The following RGS12 variants were observed in gnomAD, a reference collection of about 807,000 sequenced individuals.
The protein encoded by RGS12 is regulator of G-protein signaling 12.
Under a neutral mutation model 120.1 loss-of-function variants are expected in RGS12, and 66 were observed. The ratio of observed to expected loss-of-function variants is 0.55; its 90% CI spans 0.45 to 0.67. The LOEUF is 0.67. Ranked by LOEUF, RGS12 falls within the 30% of genes least tolerant of loss-of-function variation. The pLI is 0.00. For missense variants in RGS12, 1,859 were observed against 1,957.7 expected (o/e 0.95, Z 0.95); for synonymous variants, 827 against 804.7 (o/e 1.03, Z -0.47).
At chr4:3,298,440 T>C (rs1442241321) in intron 1 of RGS12, among the ~76,000 whole-genome samples, 1 of 152,156 alleles carries the variant, frequency 6.6e-6, no homozygotes, top group Non-Finnish European at 1.5e-5. Flanking sequence ...AGCCCCAAAC[T>C]CCTGGGCTCA....
At chr4:3,370,035 T>A in intron 3 of RGS12, 1 of 1,261,942 alleles carries the variant, frequency 7.9e-7, no homozygotes, top group Non-Finnish European at 1.0e-6. Flanking sequence ...TTAAAAATGA[T>A]CTCACAGCGT....
chr4:3,332,629 G>A (rs566388991), intron 2 of RGS12, among the ~76,000 whole-genome samples: 3 of 152,234 alleles, frequency 2.0e-5, no homozygotes, highest in Admixed American at 6.5e-5. Context: ...CTGTTGAGGC[G>A]CCTACTCAAA....
intron 3 of RGS12, among the ~76,000 whole-genome samples, chr4:3,381,454 C>G (rs71608279): frequency 2.6e-5 from 4 of 152,176 alleles, no homozygotes; most frequent in African/African-American, 4.8e-5. Context: ...ATACCTGGGA[C>G]TGGGTAATTT....
chr4:3,422,346 C>G, intron 10 of RGS12, 30 bp from the exon 11 acceptor site: 1 of 1,590,350 alleles, frequency 6.3e-7, no homozygotes, highest in African/African-American at 1.3e-5. Flanking sequence ...CGCTGGTTCC[C>G]TCACGGCTGC....
At chr4:3,331,949 G>A (rs529950791) in intron 2 of RGS12, among the ~76,000 whole-genome samples, 120 of 152,114 alleles carry the variant, frequency 7.9e-4, no homozygotes, top group Non-Finnish European at 1.5e-3. Flanking sequence ...TCCTGACCAC[G>A]GCCACCGAGT....
chr4:3,336,831 A>C (rs981503453), intron 2 of RGS12, among the ~76,000 whole-genome samples: 1 of 152,234 alleles, frequency 6.6e-6, no homozygotes, highest in African/African-American at 2.4e-5. Flanking sequence ...ATATGCAGTT[A>C]ATATGCAGAG....
At position 3,389,616 on chromosome 4, in the gene RGS12, C is replaced by T. The variant is rs1719251795; in HGVS notation, c.2020+3179C>T. On this transcript the variant is annotated intron_variant, in intron 4 of 17. Coordinates refer to ENST00000336727, the MANE Select transcript of RGS12 (RefSeq NM_001394154.1). The surrounding 1 kb of genome is among the most constrained non-coding windows in gnomAD (Gnocchi z 5.2). Reference sequence around the variant, plus strand: ...CTGTGCCAAGAGGCCTGCCAGAATCCCCTCACCCACTGCAGCCTCCACAGG... The same window carrying T: ...CTGTGCCAAGAGGCCTGCCAGAATCTCCTCACCCACTGCAGCCTCCACAGG... 6.6e-6 allele frequency among the ~76,000 whole-genome samples: 1 copy of T among 152,172 alleles called. No homozygotes were observed. The highest frequency in any genetic ancestry group is 2.4e-5 in the African/African-American group (1 of 41,448).
chr4:3,426,931 C>T (rs1469647140), intron 14 of RGS12, among the ~76,000 whole-genome samples: 3 of 152,156 alleles, frequency 2.0e-5, no homozygotes, highest in East Asian at 3.9e-4. Context: ...TTGGGCTGCC[C>T]CTCTGCCTTT....
intron 4 of RGS12, among the ~76,000 whole-genome samples, chr4:3,409,305 C>T (rs1471938262): frequency 1.3e-5 from 2 of 152,160 alleles, no homozygotes; most frequent in Admixed American, 6.5e-5. Flanking sequence ...ACAGGGGAGC[C>T]GAGCACACCA....
chr4:3,288,353 G>T (rs1273855825), upstream of RGS12, among the ~76,000 whole-genome samples: 10 of 152,122 alleles, frequency 6.6e-5, no homozygotes, highest in African/African-American at 2.4e-4. The surrounding 1 kb of genome is among the most constrained non-coding windows in gnomAD (Gnocchi z 5.2). Flanking sequence ...GGCAGGAAGG[G>T]TGTGAGCCGC....
At chr4:3,312,229 T>C (rs1724445782) in intron 1 of RGS12, among the ~76,000 whole-genome samples, 1 of 152,210 alleles carries the variant, frequency 6.6e-6, no homozygotes, top group Non-Finnish European at 1.5e-5. Flanking sequence ...TTACTATTAA[T>C]TGATACAGTT....
intron 3 of RGS12, among the ~76,000 whole-genome samples, chr4:3,360,642 A>C (rs1715464393): frequency 6.6e-6 from 1 of 152,164 alleles, no homozygotes; most frequent in Non-Finnish European, 1.5e-5. Flanking sequence ...ATATATCTTC[A>C]TGATATTGAG....
chr4:3,293,303 CGCGGGGCGGG>C (rs532215407), intron 1 of RGS12, among the ~76,000 whole-genome samples: 228 of 143,898 alleles, frequency 1.6e-3, no homozygotes, highest in African/African-American at 3.8e-3. Context: ...CCGGGCCCGG[CGCGGGGCGGG>C]GCGGGGCGGG....
upstream of RGS12, among the ~76,000 whole-genome samples, chr4:3,291,175 TCTCA>T (rs1414092754): frequency 6.6e-6 from 1 of 152,136 alleles, no homozygotes; most frequent in Non-Finnish European, 1.5e-5. Context: ...TTTCCCCATC[TCTCA>T]CTCAGGGCCA....
At chr4:3,430,032 A>G (rs1035090726) in intron 16 of RGS12, among the ~76,000 whole-genome samples, 21 of 152,346 alleles carry the variant, frequency 1.4e-4, no homozygotes, top group African/African-American at 4.8e-4. Context: ...GGAGGGGGCC[A>G]GTCCTCAGAG....
At chr4:3,405,941 T>C (rs1436858069) in intron 4 of RGS12, among the ~76,000 whole-genome samples, 1 of 152,082 alleles carries the variant, frequency 6.6e-6, no homozygotes, top group Non-Finnish European at 1.5e-5. Context: ...ATGGCACACA[T>C]TGTCTAGGAG....
At chr4:3,302,068 T>C (rs1723715808) in intron 1 of RGS12, among the ~76,000 whole-genome samples, 1 of 151,584 alleles carries the variant, frequency 6.6e-6, no homozygotes, top group African/African-American at 2.4e-5. Flanking sequence ...CAAACAGAAG[T>C]AAATATCAAG....
At chr4:3,296,471 C>T (rs1345016105) in intron 1 of RGS12, among the ~76,000 whole-genome samples, 3 of 152,074 alleles carry the variant, frequency 2.0e-5, no homozygotes, top group East Asian at 1.9e-4. Flanking sequence ...ATTGCAGGCA[C>T]GAGCCACCGC....
At position 3,425,498 on chromosome 4, in the gene RGS12, C is replaced by G. The variant is rs1313581831; in HGVS notation, c.3269C>G (p.Pro1090Arg). 5 of 1,612,070 alleles carry G rather than the reference C, an allele frequency of 3.1e-6. No individual in the cohort carries two copies. In the South Asian group the frequency reaches 5.5e-5, roughly 18 times the overall value. ...AAGGAGCCCCTGGACCTTGGCGCCC[C>G]TATATCGAGTCTGGACGGACAGCGG... ...GEKEPLDLGA[P>R]ISSLDGQRVV... Residue 1090 changes from proline (P) to arginine (R), a missense_variant, in exon 14 of 18, where the codon CCT becomes CGT. Physicochemically the swap from Pro to Arg is moderately radical, Grantham distance 103. Around this residue, in one of 3 missense-constraint regions of RGS12, gnomAD observed 517 missense variants for 488.5 expected, o/e 1.06. Transcript: ENST00000336727.
Sources: allele counts gnomAD v4.1 joint callset (sites outside exome capture counted in the v4.1 genomes callset), GRCh38; gene constraint gnomAD v4.1.1; regional missense constraint gnomAD v4.1.1; non-coding constraint Gnocchi (gnomAD v3.1); transcripts MANE v1.5; gene names NCBI Gene and HGNC (gene_info 2026-07-23, HGNC 2026-07-21).